PHC2: variants seen among roughly 807,000 people sequenced by gnomAD.
The protein encoded by PHC2 is polyhomeotic homolog 2.
In PHC2, 29 loss-of-function variants were observed where a neutral mutation model predicts 87.4. The observed-to-expected ratio is 0.33, with a 90% CI of 0.25 to 0.45. PHC2 has a LOEUF of 0.45. Among genes scored for constraint, PHC2 ranks in the 20% least tolerant of loss-of-function variants. PHC2 has a pLI of 1.00. For synonymous variants in PHC2, 438 were observed against 461.7 expected (o/e 0.95, Z 0.66); for missense variants, 857 against 1,136.7 (o/e 0.75, Z 3.54).
At position 33,370,564 on chromosome 1, in the gene PHC2, C is replaced by T. The variant is rs368308556; in HGVS notation, c.433G>A (p.Ala145Thr). 1.3e-5 allele frequency: 21 copies of T among 1,613,178 alleles called. No individual in the cohort carries two copies. In the African/African-American group the frequency reaches 2.5e-4, roughly 19 times the overall value. The change falls in exon 5 of 15, where the codon GCA becomes ACA. Residue 145 changes from alanine (A) to threonine (T), a missense_variant. Physicochemically the swap from Ala to Thr is moderately conservative, Grantham distance 58. Coordinates refer to ENST00000683057, the MANE Select transcript of PHC2 (RefSeq NM_001385109.1). The stretch of plus-strand genomic sequence containing the variant: ...GCCCGGTTGAGGAGCTGGGCTGCTG[C>T]TGGGGAGGCTGCCAGGTTGATCTAA... ...SSSINLAASP[A>T]AAQLLNRAQS...
intron 6 of PHC2, 77 bp from the exon 7 acceptor site, chr1:33,367,505 G>C: frequency 2.5e-5 from 28 of 1,131,294 alleles, no homozygotes; most frequent in Non-Finnish European, 3.3e-5. Context: ...GGGAGAGAGG[G>C]ATGGATCCAG....
intron 1 of PHC2, among the ~76,000 whole-genome samples, chr1:33,416,239 GA>G (rs1241560253): frequency 6.6e-6 from 1 of 151,926 alleles, no homozygotes; most frequent in Non-Finnish European, 1.5e-5. Context: ...AGTAACCAGA[GA>G]AAAAAGACAT....
intron 1 of PHC2, among the ~76,000 whole-genome samples, chr1:33,378,393 C>T (rs1165302970): frequency 6.6e-6 from 1 of 152,190 alleles, no homozygotes; most frequent in Non-Finnish European, 1.5e-5. Context: ...CACAGACTAC[C>T]TCACAGAATC....
At position 33,334,162 on chromosome 1, in the gene PHC2, G is replaced by A; in HGVS notation, c.1689C>T (p.Ala563=). Residue 563 remains alanine (A), a synonymous_variant, in exon 10 of 15, where the codon GCC becomes GCT. Coordinates refer to ENST00000683057, the MANE Select transcript of PHC2 (RefSeq NM_001385109.1). The surrounding 1 kb of genome is among the most constrained non-coding windows in gnomAD (Gnocchi z 5.5). ...PQNGENKPPQ[A]IVKPQILTHV... is the part of the protein sequence containing the mutation. ...GCGTCAGGATTTGGGGTTTCACAAT[G>A]GCCTGTGGTGGTTTATTCTCACCAT... 4 of 1,613,940 alleles carry A rather than the reference G, an allele frequency of 2.5e-6. No homozygotes were observed. The highest frequency in any genetic ancestry group is 3.4e-6 in the Non-Finnish European group (4 of 1,179,980).
chr1:33,372,156 G>A (rs964897004), intron 3 of PHC2, 133 bp downstream of exon 3: 23 of 818,768 alleles, frequency 2.8e-5, no homozygotes, highest in African/African-American at 1.0e-4. Flanking sequence ...AGTAGTGCTC[G>A]TGTCACAAGG....
intron 1 of PHC2, among the ~76,000 whole-genome samples, chr1:33,401,948 A>G (rs937770193): frequency 3.3e-5 from 5 of 152,228 alleles, no homozygotes; most frequent in Admixed American, 6.5e-5. Flanking sequence ...GTAGGAAAGG[A>G]TATTTTAAAC....
intron 14 of PHC2, 74 bp downstream of exon 14, chr1:33,328,796 C>A: frequency 7.0e-7 from 1 of 1,437,904 alleles, no homozygotes; most frequent in Non-Finnish European, 9.5e-7. Context: ...CCTAATCCTC[C>A]TGGTGGTGGG....
At chr1:33,412,953 T>TG (rs1267537081) in intron 1 of PHC2, among the ~76,000 whole-genome samples, 6 of 151,748 alleles carry the variant, frequency 4.0e-5, no homozygotes, top group Non-Finnish European at 8.8e-5. Context: ...CTTGTTTTTT[T>TG]TTTGTTTGTT....
chr1:33,378,753 T>A (rs1442756337), intron 1 of PHC2, among the ~76,000 whole-genome samples: 2 of 152,190 alleles, frequency 1.3e-5, no homozygotes, highest in Non-Finnish European at 2.9e-5. Context: ...ATCAAAAGCA[T>A]GAGCTAGAAC....
At chr1:33,397,972 G>T (rs532558736) in intron 1 of PHC2, among the ~76,000 whole-genome samples, 1 of 151,990 alleles carries the variant, frequency 6.6e-6, no homozygotes, top group African/African-American at 2.4e-5. Flanking sequence ...TGTTCCCTGT[G>T]CATGTAAAAA....
At chr1:33,348,466 T>A (rs1479597295) in intron 9 of PHC2, among the ~76,000 whole-genome samples, 1 of 152,200 alleles carries the variant, frequency 6.6e-6, no homozygotes. Flanking sequence ...CAGAGCCAAA[T>A]GGCTGGAAAA....
intron 7 of PHC2, among the ~76,000 whole-genome samples, chr1:33,360,799 C>T (rs886443215): frequency 2.0e-5 from 3 of 152,202 alleles, no homozygotes; most frequent in Admixed American, 2.0e-4. Context: ...TTCCAAGTGA[C>T]TTGTACAATG....
Position 33,334,341 on chromosome 1 carries a change from G to A in PHC2, c.1559-49C>T, listed in dbSNP as rs747451582. ...CAAAGCAGGGGAGATCAGAACCAGA[G>A]TCCACGCCCAGGGAGGGACAGCAAG... On this transcript the variant is annotated intron_variant, in intron 9 of 14. Transcript: ENST00000683057. The surrounding 1 kb of genome is among the most constrained non-coding windows in gnomAD (Gnocchi z 5.5). 1 of 1,554,122 alleles carries A rather than the reference G, an allele frequency of 6.4e-7. No individual in the cohort carries two copies. The highest frequency in any genetic ancestry group is 2.2e-5 in the East Asian group (1 of 44,522).
chr1:33,401,219 G>A (rs1261169445), intron 1 of PHC2, among the ~76,000 whole-genome samples: 5 of 152,064 alleles, frequency 3.3e-5, no homozygotes, highest in African/African-American at 4.8e-5. Context: ...CCAGCTACTC[G>A]GGAGGCTGAG....
chr1:33,348,156 C>G (rs913727123), intron 9 of PHC2, among the ~76,000 whole-genome samples: 2 of 152,212 alleles, frequency 1.3e-5, no homozygotes, highest in African/African-American at 2.4e-5. Flanking sequence ...ATAACCAACA[C>G]AGTCAGGTAC....
intron 1 of PHC2, among the ~76,000 whole-genome samples, chr1:33,401,092 C>T (rs988610372): frequency 3.4e-4 from 51 of 152,016 alleles, no homozygotes; most frequent in Admixed American, 2.3e-3. Flanking sequence ...TTTGGGAGGC[C>T]GAGGTAGGCG....
chr1:33,399,103 T>C (rs1439712458), intron 1 of PHC2, among the ~76,000 whole-genome samples: 1 of 152,134 alleles, frequency 6.6e-6, no homozygotes, highest in Non-Finnish European at 1.5e-5. Flanking sequence ...TGTGTGGGGT[T>C]GGGGTATTCA....
chr1:33,384,029 C>T (rs1383307342), intron 1 of PHC2, among the ~76,000 whole-genome samples: 1 of 152,162 alleles, frequency 6.6e-6, no homozygotes, highest in Non-Finnish European at 1.5e-5. Flanking sequence ...CCTTAGGGAA[C>T]TATTATGCTG....
At chr1:33,375,183 T>C (rs1173596095) in intron 2 of PHC2, among the ~76,000 whole-genome samples, 183 bp downstream of exon 2, 2 of 152,192 alleles carry the variant, frequency 1.3e-5, no homozygotes, top group Non-Finnish European at 2.9e-5. Flanking sequence ...AACTCCTTGA[T>C]TGGGCCATTT....
Sources: allele counts gnomAD v4.1 joint callset (sites outside exome capture counted in the v4.1 genomes callset), GRCh38; gene constraint gnomAD v4.1.1; non-coding constraint Gnocchi (gnomAD v3.1); transcripts MANE v1.5; gene names NCBI Gene and HGNC (gene_info 2026-07-23, HGNC 2026-07-21).